The following RGSL1 variants were observed in gnomAD, a reference collection of about 807,000 sequenced individuals.
The protein encoded by RGSL1 is regulator of G protein signaling protein-like.
RGSL1 carries 97 observed loss-of-function variants against 124.7 expected under a neutral mutation model. That is an observed-to-expected ratio of 0.78 (90% CI 0.66 to 0.92). The LOEUF (loss-of-function observed/expected upper bound fraction) is 0.92, where lower values mean the gene tolerates loss of function less well. Among genes scored for constraint, RGSL1 ranks in the 40% least tolerant of loss-of-function variants. RGSL1 has a pLI of 0.00. For missense variants in RGSL1, 1,233 were observed against 1,288.4 expected (o/e 0.96, Z 0.66); for synonymous variants, 424 against 438.1 (o/e 0.97, Z 0.40).
At position 182,498,082 on chromosome 1, in the gene RGSL1, T is replaced by G. The variant is rs74128937; in HGVS notation, c.1825+4953T>G. Reference sequence around the variant, plus strand: ...TATAAATTTATTATTTTTCCTTTCATGATTAATAAGTATTGTGGGGGGTGT... The same window carrying G: ...TATAAATTTATTATTTTTCCTTTCAGGATTAATAAGTATTGTGGGGGGTGT... On this transcript the variant is annotated intron_variant, in intron 9 of 21. Coordinates refer to ENST00000294854, the MANE Select transcript of RGSL1 (RefSeq NM_001137669.2). Among the ~76,000 whole-genome samples the G allele has an allele frequency of 8.0e-3, 1,216 of 152,296 alleles. 26 individuals are homozygous for G. Among genetic ancestry groups the G allele is most frequent in the African/African-American group, 0.028 (1,174 of 41,566 alleles).
chr1:182,526,382 C>G (rs1299831173), intron 10 of RGSL1, among the ~76,000 whole-genome samples: 1 of 152,064 alleles, frequency 6.6e-6, no homozygotes, highest in African/African-American at 2.4e-5. Context: ...TAAAAAAGAT[C>G]AGTGGCCAGG....
chr1:182,550,581 G>T lies in RGSL1; in HGVS notation c.2934-519G>T, dbSNP rs1010825944. 3.6e-4 allele frequency: 55 copies of T among 153,358 alleles called. 2 individuals carry two copies. The highest frequency in any genetic ancestry group is 1.5e-5 in the Non-Finnish European group (1 of 68,922). 9.5% of individuals were successfully genotyped at this position (153,358 alleles called of 1,614,324 possible). A position where few individuals can be genotyped will look rare whatever the true frequency, so the allele number is the denominator to read the frequency against. On this transcript the variant is annotated intron_variant, in intron 17 of 21. Transcript: ENST00000294854. Reference sequence around the variant, plus strand: ...GCACAGGCTTCTAGAGAACATAAAGGTCATAAAGAGTACATAAATCTGAGT... The same window carrying T: ...GCACAGGCTTCTAGAGAACATAAAGTTCATAAAGAGTACATAAATCTGAGT...
intron 6 of RGSL1, among the ~76,000 whole-genome samples, chr1:182,486,211 A>T (rs1035641891): frequency 4.6e-5 from 7 of 152,082 alleles, no homozygotes; most frequent in East Asian, 1.9e-4. Flanking sequence ...TATTATTTTA[A>T]TGTATATCTA....
chr1:182,523,208 C>T (rs12738215), intron 10 of RGSL1, among the ~76,000 whole-genome samples: 127,016 of 147,136 alleles, frequency 0.86, 55,151 homozygotes, highest in Non-Finnish European at 0.89. Flanking sequence ...GTTTTTTTTT[C>T]TTTTTTTTTT....
At chr1:182,553,196 G>C (rs1660670779) in intron 18 of RGSL1, among the ~76,000 whole-genome samples, 1 of 152,108 alleles carries the variant, frequency 6.6e-6, no homozygotes, top group Non-Finnish European at 1.5e-5. Context: ...GAGCCACTGT[G>C]CCTGGCTAGC....
At chr1:182,504,591 A>G (rs1375883817) in intron 9 of RGSL1, among the ~76,000 whole-genome samples, 1 of 146,540 alleles carries the variant, frequency 6.8e-6, no homozygotes, top group Non-Finnish European at 1.5e-5. Context: ...GAAATTAGAA[A>G]CTCCCCAGGA....
upstream of RGSL1, among the ~76,000 whole-genome samples, chr1:182,449,554 A>C (rs1302912723): frequency 6.6e-6 from 1 of 152,196 alleles, no homozygotes; most frequent in Non-Finnish European, 1.5e-5. Context: ...AGGAGAAATG[A>C]AGAGTTGTTT....
intron 6 of RGSL1, 62 bp from the exon 7 acceptor site, chr1:182,488,223 C>A: frequency 1.4e-6 from 2 of 1,466,930 alleles, no homozygotes; most frequent in Non-Finnish European, 1.9e-6. Context: ...TGAACATATG[C>A]AGGAAAGATG....
chr1:182,521,948 TTC>T, intron 9 of RGSL1, 54 bp from the exon 10 acceptor site: 2 of 1,154,940 alleles, frequency 1.7e-6, no homozygotes, highest in Non-Finnish European at 2.5e-6. Flanking sequence ...TTGCTAGTTT[TTC>T]CCTTTTCATT....
intron 13 of RGSL1, among the ~76,000 whole-genome samples, chr1:182,532,441 T>C (rs570915110): frequency 1.3e-5 from 2 of 152,356 alleles, no homozygotes; most frequent in South Asian, 4.1e-4. Flanking sequence ...TCCAGTCTGT[T>C]GAAGCTGGAA....
At chr1:182,468,641 T>G (rs1371772088) in intron 4 of RGSL1, among the ~76,000 whole-genome samples, 1 of 152,056 alleles carries the variant, frequency 6.6e-6, no homozygotes, top group Non-Finnish European at 1.5e-5. Flanking sequence ...AGGGATAGCA[T>G]TAGGAGATCT....
At chr1:182,462,560 G>T (rs6689130) in intron 4 of RGSL1, among the ~76,000 whole-genome samples, 1 of 152,054 alleles carries the variant, frequency 6.6e-6, no homozygotes, top group Non-Finnish European at 1.5e-5. Flanking sequence ...ATAACTACTC[G>T]TCTAAAAGAT....
In RGSL1 at chr1:182,554,670, C is replaced by T. The variant is rs1156951276; in HGVS notation, c.3174C>T (p.Ala1058=). The change falls in exon 20 of 22, where the codon GCC becomes GCT. Residue 1058 remains alanine, a synonymous_variant. Transcript: ENST00000294854. ...CTCAGCCAAGACTCGTGGTATCTGC[C>T]ATGCAGCTGCATCCCGTCCAGGGGT... ...KLTQPRLVVS[A]MQLHPVQGQK... is the part of the protein sequence containing the mutation. 3 of 1,551,598 alleles carry T rather than the reference C, an allele frequency of 1.9e-6. No individual in the cohort carries two copies. The Admixed American group carries it at 5.9e-5, about 30-fold the overall frequency.
chr1:182,530,754 T>A, intron 12 of RGSL1, 36 bp from the exon 13 acceptor site: 1 of 1,493,402 alleles, frequency 6.7e-7, no homozygotes, highest in Non-Finnish European at 8.9e-7. Context: ...TGCCAGGTTT[T>A]TGCCCTGTTT....
In RGSL1 at chr1:182,474,353, G is replaced by A; in HGVS notation, c.1242G>A (p.Leu414=). Residue 414 remains leucine, a synonymous_variant, in exon 6 of 22, where the codon CTG becomes CTA. Coordinates refer to ENST00000294854, the MANE Select transcript of RGSL1 (RefSeq NM_001137669.2). ...TGCAGCATTTCCTCAGTGTCCTTCT[G>A]AATAACAAAAAGAATGGGAATGCAA... ...QDLQHFLSVL[L]NNKKNGNAIF... The A allele has an allele frequency of 6.4e-7, 1 of 1,551,820 alleles. No homozygotes were observed. Among genetic ancestry groups the A allele is most frequent in the East Asian group, 2.4e-5 (1 of 40,920 alleles).
At chr1:182,490,915 C>CTTTT (rs10676767) in intron 8 of RGSL1, among the ~76,000 whole-genome samples, 2 of 129,022 alleles carry the variant, frequency 1.6e-5, no homozygotes, top group Admixed American at 8.2e-5. Flanking sequence ...AGAACATTAT[C>CTTTT]TTTTTTTTTT....
chr1:182,489,101 T>C lies in RGSL1; in HGVS notation c.1616T>C (p.Met539Thr), dbSNP rs756692325. 3.9e-6 allele frequency: 6 copies of C among 1,551,478 alleles called. 1 individual carries two copies. Among genetic ancestry groups the C allele is most frequent in the South Asian group, 2.4e-5 (2 of 84,056 alleles). ...SLELSQALAD[M>T]KEMDYRQWRK... ...GAGTTAAGCCAGGCTTTGGCTGACA[T>C]GAAGGAAATGGACTATAGGCAGTGG... Residue 539 changes from methionine to threonine, a missense_variant, in exon 8 of 22, where the codon ATG becomes ACG. Met to Thr is a moderately conservative substitution (Grantham distance 81). Coordinates refer to ENST00000294854, the MANE Select transcript of RGSL1 (RefSeq NM_001137669.2).
At chr1:182,460,252 A>G in intron 4 of RGSL1, 119 bp downstream of exon 4, 1 of 1,318,714 alleles carries the variant, frequency 7.6e-7, no homozygotes, top group Admixed American at 2.9e-5. Context: ...GTGTGTAGAA[A>G]TATAGGAAGT....
rs561499344 is a variant in RGSL1 at position 182,521,079 on chromosome 1, T to A, written c.1826-925T>A. Among the ~76,000 whole-genome samples the A allele has an allele frequency of 7.1e-4, 108 of 152,312 alleles. 1 individual carries two copies. The Middle Eastern group carries it at 0.027, about 38-fold the overall frequency. On this transcript the variant is annotated intron_variant, in intron 9 of 21. Transcript: ENST00000294854. ...AAAGTTTTGTTTTTATTATTTAAAA[T>A]TATTTTTATAAACAGAGTCTTACTC...
Sources: gnomAD v4.1 joint callset for allele counts (sites outside exome capture counted in the v4.1 genomes callset) on GRCh38, gnomAD v4.1.1 for gene constraint, MANE v1.5 for transcripts, NCBI Gene and HGNC (gene_info 2026-07-23, HGNC 2026-07-21) for gene names.